C12orf42: variants seen among roughly 807,000 people sequenced by gnomAD.
C12orf42 encodes uncharacterized protein C12orf42.
A neutral mutation model predicts 21.6 loss-of-function variants in C12orf42; 25 were observed. The ratio of observed to expected loss-of-function variants is 1.16; its 90% CI spans 0.84 to 1.62. C12orf42 has a LOEUF of 1.62. C12orf42 is among the 40% of genes most tolerant of loss of function. The pLI is 0.00. For synonymous variants in C12orf42, 174 were observed against 175.0 expected (o/e 0.99, Z 0.05); for missense variants, 483 against 459.3 (o/e 1.05, Z -0.47).
chr12:103,461,006 T>C (rs1288580048), intron 2 of C12orf42, among the ~76,000 whole-genome samples: 1 of 152,194 alleles, frequency 6.6e-6, no homozygotes. Context: ...AACAACTTAA[T>C]AGCATTCAGT....
chr12:103,489,489 G>A (rs565472843), intron 1 of C12orf42, among the ~76,000 whole-genome samples: 16 of 152,250 alleles, frequency 1.1e-4, no homozygotes, highest in Non-Finnish European at 1.9e-4. Context: ...CCTCAGAGCT[G>A]TTAGACAGGG....
chr12:103,246,938 T>C (rs1398215052), intron 10 of C12orf42, among the ~76,000 whole-genome samples: 1 of 152,126 alleles, frequency 6.6e-6, no homozygotes, highest in Non-Finnish European at 1.5e-5. Context: ...GCTTCATTTT[T>C]AATATGCATA....
chr12:103,424,761 C>A (rs1477596608), intron 2 of C12orf42, among the ~76,000 whole-genome samples: 2 of 152,216 alleles, frequency 1.3e-5, no homozygotes, highest in African/African-American at 2.4e-5. Flanking sequence ...AAACACCGAG[C>A]TGGCTGCAGG....
chr12:103,466,035 C>G (rs999341884), intron 2 of C12orf42, among the ~76,000 whole-genome samples: 1 of 152,144 alleles, frequency 6.6e-6, no homozygotes, highest in African/African-American at 2.4e-5. Context: ...TGATGTTCAT[C>G]AGGAATATCG....
At chr12:103,101,045 T>C in the C12orf42 span, among the ~76,000 whole-genome samples, 5 of 152,296 alleles carry the variant, frequency 3.3e-5, 1 homozygote, top group South Asian at 1.0e-3. Context: ...TGTTGGGTAA[T>C]CTTGAGCATC....
chr12:103,473,624 A>G (rs1186709574), intron 2 of C12orf42, among the ~76,000 whole-genome samples: 1 of 152,234 alleles, frequency 6.6e-6, no homozygotes, highest in African/African-American at 2.4e-5. Flanking sequence ...TCAGCTAGAC[A>G]ATTGTTATTT....
chr12:103,480,605 T>A (rs1480075473), intron 1 of C12orf42, among the ~76,000 whole-genome samples: 2 of 151,788 alleles, frequency 1.3e-5, no homozygotes. Context: ...GCCTCCAATG[T>A]TTTGAAATAT....
downstream of C12orf42, among the ~76,000 whole-genome samples, chr12:103,232,872 TTAAAA>T (rs1314958834): frequency 1.3e-5 from 2 of 152,214 alleles, no homozygotes; most frequent in East Asian, 1.9e-4. Flanking sequence ...TATTCTTTCT[TTAAAA>T]TAATATTTCG....
the C12orf42 span, among the ~76,000 whole-genome samples, chr12:103,080,463 G>A: frequency 6.6e-6 from 1 of 152,010 alleles, no homozygotes; most frequent in Non-Finnish European, 1.5e-5. Flanking sequence ...AATACAAACT[G>A]GTTGAAAATA....
the C12orf42 span, among the ~76,000 whole-genome samples, chr12:103,197,176 C>T: frequency 6.6e-6 from 1 of 152,066 alleles, no homozygotes; most frequent in Non-Finnish European, 1.5e-5. Context: ...GTTTATGGAG[C>T]TCGGTTTGGC....
chr12:103,448,881 T>A (rs906081075), intron 2 of C12orf42, among the ~76,000 whole-genome samples: 3 of 152,026 alleles, frequency 2.0e-5, no homozygotes, highest in Non-Finnish European at 2.9e-5. Context: ...TACAACACAG[T>A]GTGGAGATTC....
intron 2 of C12orf42, among the ~76,000 whole-genome samples, chr12:103,474,210 C>T (rs922186280): frequency 6.6e-6 from 1 of 151,858 alleles, no homozygotes; most frequent in East Asian, 1.9e-4. Context: ...GGAAGGCAGA[C>T]ACAAAAAAGT....
chr12:103,349,160 T>C (rs1380066960), intron 4 of C12orf42: 1 of 152,190 alleles, frequency 6.6e-6, no homozygotes, highest in East Asian at 1.9e-4. Flanking sequence ...GAGAAGAGTC[T>C]GCTCACTGAC....
At chr12:103,212,216 C>A in the C12orf42 span, among the ~76,000 whole-genome samples, 1 of 152,044 alleles carries the variant, frequency 6.6e-6, no homozygotes, top group Non-Finnish European at 1.5e-5. Flanking sequence ...TATAATTATT[C>A]TTTAATATCA....
intron 3 of C12orf42, among the ~76,000 whole-genome samples, chr12:103,372,200 A>G (rs1378832099): frequency 6.6e-6 from 1 of 151,970 alleles, no homozygotes; most frequent in Non-Finnish European, 1.5e-5. Flanking sequence ...ATCTTCATCC[A>G]CATCCCTGCT....
chr12:103,532,915 C>T, the C12orf42 span, among the ~76,000 whole-genome samples: 1 of 152,188 alleles, frequency 6.6e-6, no homozygotes, highest in Non-Finnish European at 1.5e-5. Flanking sequence ...CCCTGCCCCA[C>T]AGGCAAGGTG....
At chr12:103,361,342 C>T (rs1383818440) in intron 4 of C12orf42, among the ~76,000 whole-genome samples, 1 of 152,100 alleles carries the variant, frequency 6.6e-6, no homozygotes, top group African/African-American at 2.4e-5. Flanking sequence ...GAGTGAAATA[C>T]AGGGGTAGAG....
intron 4 of C12orf42, among the ~76,000 whole-genome samples, chr12:103,365,087 CT>C (rs1357689111): frequency 1.3e-5 from 2 of 152,034 alleles, no homozygotes; most frequent in African/African-American, 4.8e-5. Flanking sequence ...AAAATACTAG[CT>C]AACCAGATCC....
At chr12:103,275,783 C>CT (rs1000120373) in intron 5 of C12orf42, among the ~76,000 whole-genome samples, 15 of 140,844 alleles carry the variant, frequency 1.1e-4, no homozygotes, top group Admixed American at 9.9e-4. Flanking sequence ...GACAGACAAA[C>CT]TTTTTTTTTA....
Sources: gnomAD v4.1 joint callset for allele counts (sites outside exome capture counted in the v4.1 genomes callset) on GRCh38, gnomAD v4.1.1 for gene constraint, MANE v1.5 for transcripts, NCBI Gene and HGNC (gene_info 2026-07-23, HGNC 2026-07-21) for gene names.